The following CFAP77 variants were observed in gnomAD, a reference collection of about 807,000 sequenced individuals.
The protein encoded by CFAP77 is cilia and flagella associated protein 77, also known as cilia- and flagella-associated protein 77.
Under a neutral mutation model 31.1 loss-of-function variants are expected in CFAP77, and 25 were observed. The observed-to-expected ratio is 0.80, with a 90% CI of 0.59 to 1.12. The LOEUF (loss-of-function observed/expected upper bound fraction) is 1.12, where lower values mean the gene tolerates loss of function less well. Ranked by LOEUF, CFAP77 falls within the 50% of genes most tolerant of loss-of-function variation. CFAP77 has a pLI of 0.00. For missense variants in CFAP77, 377 were observed against 397.3 expected (o/e 0.95, Z 0.44); for synonymous variants, 151 against 159.9 (o/e 0.94, Z 0.42).
chr9:132,486,075 TATATATATA>T (rs1851548045), intron 1 of CFAP77, among the ~76,000 whole-genome samples: 3 of 18,830 alleles, frequency 1.6e-4, no homozygotes, highest in African/African-American at 7.0e-4. Context: ...TGTATATATA[TATATATATA>T]TATATATTTT....
At chr9:132,514,619 C>T (rs183507675) in intron 3 of CFAP77, among the ~76,000 whole-genome samples, 289 of 151,678 alleles carry the variant, frequency 1.9e-3, no homozygotes, top group Non-Finnish European at 3.1e-3. Context: ...TGCACCGGTG[C>T]CGGAACTGCT....
chr9:132,571,329 C>T (rs554418814), intron 5 of CFAP77, among the ~76,000 whole-genome samples: 2 of 152,168 alleles, frequency 1.3e-5, no homozygotes, highest in South Asian at 2.1e-4. Flanking sequence ...CACGCTACCC[C>T]CCTTTGCCCT....
chr9:132,475,585 TGTC>T (rs1377762255), intron 1 of CFAP77, among the ~76,000 whole-genome samples: 1 of 152,164 alleles, frequency 6.6e-6, no homozygotes, highest in African/African-American at 2.4e-5. Flanking sequence ...CAGGGAGAAG[TGTC>T]TCGGTTAGGA....
At chr9:132,445,203 A>G (rs1446557237) in intron 1 of CFAP77, among the ~76,000 whole-genome samples, 3 of 151,552 alleles carry the variant, frequency 2.0e-5, no homozygotes, top group East Asian at 3.9e-4. Flanking sequence ...CAAACTCCCA[A>G]CCTCAGGTGA....
intron 5 of CFAP77, among the ~76,000 whole-genome samples, chr9:132,560,795 C>G (rs1169310469): frequency 6.6e-6 from 1 of 152,204 alleles, no homozygotes; most frequent in Admixed American, 6.5e-5. Context: ...CTGCTCCTCC[C>G]CATTCCCTGG....
chr9:132,423,674 T>C (rs1427401865), intron 1 of CFAP77, among the ~76,000 whole-genome samples: 1 of 152,208 alleles, frequency 6.6e-6, no homozygotes, highest in Admixed American at 6.5e-5. Context: ...TCAGTGGCCA[T>C]CACTGGTTGA....
At chr9:132,543,100 A>C (rs1852673936) in intron 5 of CFAP77, 53 bp downstream of exon 5, 2 of 1,480,228 alleles carry the variant, frequency 1.4e-6, no homozygotes, top group Non-Finnish European at 1.9e-6. Flanking sequence ...GCTGCCGCTC[A>C]CCTTGCCAGG....
At chr9:132,482,246 T>C in intron 1 of CFAP77, 1 of 1,059,596 alleles carries the variant, frequency 9.4e-7, no homozygotes, top group Non-Finnish European at 1.4e-6. Context: ...CAGGGTCTGC[T>C]GGCTGTGACC....
intron 1 of CFAP77, among the ~76,000 whole-genome samples, chr9:132,468,247 G>A (rs1156777138): frequency 6.6e-6 from 1 of 152,178 alleles, no homozygotes; most frequent in East Asian, 1.9e-4. Context: ...TCAGGAGGCT[G>A]AGGGGGGAGG....
chr9:132,505,743 C>G (rs1439068588), intron 3 of CFAP77, among the ~76,000 whole-genome samples: 1 of 152,150 alleles, frequency 6.6e-6, no homozygotes, highest in Admixed American at 6.5e-5. Flanking sequence ...GGGGCAGCAT[C>G]CCTTTGGACA....
chr9:132,517,271 C>T lies in CFAP77; in HGVS notation c.524+17671C>T, dbSNP rs577677108. Among the ~76,000 whole-genome samples the T allele has an allele frequency of 1.0e-3, 153 of 152,306 alleles. No individual in the cohort carries two copies. The highest frequency in any genetic ancestry group is 1.7e-3 in the Non-Finnish European group (118 of 68,020). On this transcript the variant is annotated intron_variant, in intron 3 of 5. Coordinates refer to ENST00000393216, the MANE Select transcript of CFAP77 (RefSeq NM_001282957.2). This position sits in a 1 kb window ranked among gnomAD's most constrained non-coding sequence, Gnocchi z 4.7. ...AGCTGCGAGGGTGCCAGCAACTCCC[C>T]GGCCCCCGGGAGCAGCAGACTGCTG...
chr9:132,515,972 G>A (rs995366461), intron 3 of CFAP77, among the ~76,000 whole-genome samples: 1 of 152,202 alleles, frequency 6.6e-6, no homozygotes, highest in African/African-American at 2.4e-5. Context: ...GTAGAACCAG[G>A]GTTACAAATT....
intron 5 of CFAP77, among the ~76,000 whole-genome samples, chr9:132,556,756 G>C (rs1408769054): frequency 2.0e-5 from 3 of 152,240 alleles, no homozygotes; most frequent in Non-Finnish European, 4.4e-5. Flanking sequence ...CGAGCTGTCA[G>C]GGAACTGAGG....
At position 132,564,893 on chromosome 9, in the gene CFAP77, G is replaced by A. The variant is rs185242361; in HGVS notation, c.733-7495G>A. Among the ~76,000 whole-genome samples, 1 of 152,290 alleles carries A rather than the reference G, an allele frequency of 6.6e-6. No homozygotes were observed. Among genetic ancestry groups the A allele is most frequent in the East Asian group, 1.9e-4 (1 of 5,188 alleles). On this transcript the variant is annotated intron_variant, in intron 5 of 5. Coordinates refer to ENST00000393216, the MANE Select transcript of CFAP77 (RefSeq NM_001282957.2). The surrounding 1 kb of genome is among the most constrained non-coding windows in gnomAD (Gnocchi z 4.6). The stretch of plus-strand genomic sequence containing the variant: ...CAGGGACTGCGGTGCTGAGGAAGGG[G>A]CCTGCTGTCTGGCGGCTGGTCTCAG...
At chr9:132,537,526 G>A (rs13286286) in intron 3 of CFAP77, 75 bp from the exon 4 acceptor site, 353,089 of 1,062,690 alleles carry the variant, frequency 0.33, 60,738 homozygotes, top group Non-Finnish European at 0.36. Flanking sequence ...GGAGGCTCCC[G>A]GGGGCGGGCG....
At chr9:132,419,958 C>T (rs1571857) in intron 1 of CFAP77, among the ~76,000 whole-genome samples, 24,553 of 151,616 alleles carry the variant, frequency 0.16, 3,028 homozygotes, top group East Asian at 0.35. Flanking sequence ...CCCAGGAGTT[C>T]GAAACCAGCC....
intron 1 of CFAP77, among the ~76,000 whole-genome samples, chr9:132,434,878 C>G (rs1279357587): frequency 2.6e-5 from 4 of 152,192 alleles, no homozygotes; most frequent in Non-Finnish European, 5.9e-5. Flanking sequence ...CAGATGCACG[C>G]TCTGCCTGGG....
intron 5 of CFAP77, among the ~76,000 whole-genome samples, chr9:132,562,463 G>C (rs1041335204): frequency 5.3e-5 from 8 of 152,060 alleles, no homozygotes; most frequent in Admixed American, 1.3e-4. Flanking sequence ...GAAGCGTTTT[G>C]TATGTTTTTT....
chr9:132,456,906 G>A (rs1850926159), intron 1 of CFAP77, among the ~76,000 whole-genome samples: 2 of 151,918 alleles, frequency 1.3e-5, no homozygotes, highest in South Asian at 2.1e-4. Context: ...GTGCACCACC[G>A]TGTCTGACTA....
Sources: allele counts gnomAD v4.1 joint callset (sites outside exome capture counted in the v4.1 genomes callset), GRCh38; gene constraint gnomAD v4.1.1; non-coding constraint Gnocchi (gnomAD v3.1); transcripts MANE v1.5; gene names NCBI Gene and HGNC (gene_info 2026-07-23, HGNC 2026-07-21).